CLOCK: variants seen among roughly 807,000 people sequenced by gnomAD.
CLOCK encodes circadian locomoter output cycles protein kaput.
Under a neutral mutation model 118.4 loss-of-function variants are expected in CLOCK, and 43 were observed. The ratio of observed to expected loss-of-function variants is 0.36; its 90% CI spans 0.28 to 0.47. The LOEUF (loss-of-function observed/expected upper bound fraction) is 0.47, where lower values mean the gene tolerates loss of function less well. CLOCK is among the 20% of genes least tolerant of loss of function. The pLI is 1.00. For missense variants in CLOCK, 846 were observed against 999.9 expected, an observed-to-expected ratio of 0.85 and a Z score of 2.08; for synonymous variants, 326 against 339.2, an observed-to-expected ratio of 0.96 and a Z score of 0.43.
At position 55,435,361 on chromosome 4, in the gene CLOCK, C is replaced by G; in HGVS notation, c.*54G>C. The G allele has an allele frequency of 1.9e-6, 3 of 1,602,482 alleles. No individual in the cohort carries two copies. Among genetic ancestry groups the G allele is most frequent in the Non-Finnish European group, 2.6e-6 (3 of 1,170,470 alleles). On this transcript the variant is annotated 3_prime_UTR_variant, in exon 23 of 23. Transcript: ENST00000513440. ...TCCTTTCCTCAGGTCATCTGAGTAACTCTTAATGGGCCATCCCCTTCCTCC... is the reference window on the plus strand; with the variant it reads ...TCCTTTCCTCAGGTCATCTGAGTAAGTCTTAATGGGCCATCCCCTTCCTCC...
At chr4:55,450,873 G>A (rs1724380446) in intron 15 of CLOCK, among the ~76,000 whole-genome samples, 1 of 152,026 alleles carries the variant, frequency 6.6e-6, no homozygotes, top group Admixed American at 6.6e-5. Flanking sequence ...CCAGGTGAAT[G>A]CCTGCGGTGC....
chr4:55,521,140 T>C (rs1235149470), intron 1 of CLOCK, among the ~76,000 whole-genome samples: 2 of 152,240 alleles, frequency 1.3e-5, no homozygotes, highest in African/African-American at 2.4e-5. Context: ...TCAAATGTAC[T>C]AGAAAAAAAT....
At chr4:55,463,341 A>G (rs1255274423) in intron 9 of CLOCK, among the ~76,000 whole-genome samples, 1 of 152,070 alleles carries the variant, frequency 6.6e-6, no homozygotes, top group Non-Finnish European at 1.5e-5. Flanking sequence ...TGAAAATTAG[A>G]ATGTTTAATT....
chr4:55,468,167 C>G (rs1431639022), intron 8 of CLOCK, among the ~76,000 whole-genome samples: 1 of 151,956 alleles, frequency 6.6e-6, no homozygotes, highest in Non-Finnish European at 1.5e-5. Context: ...ACTGTGCTGC[C>G]CAGGCTGGTC....
intron 1 of CLOCK, chr4:55,540,719 G>C (rs1731215916): frequency 6.6e-6 from 1 of 152,210 alleles, no homozygotes; most frequent in African/African-American, 2.4e-5. Flanking sequence ...AGCTTCAGGA[G>C]GGACGCACGT....
intron 1 of CLOCK, chr4:55,540,895 G>A (rs1030753072): frequency 6.6e-6 from 1 of 151,960 alleles, no homozygotes; most frequent in Non-Finnish European, 1.5e-5. Context: ...TGACCTCTTT[G>A]AAAAAGAAAC....
chr4:55,499,705 A>T lies in CLOCK; in HGVS notation c.-136+10207T>A, dbSNP rs188452030. 3.9e-5 allele frequency among the ~76,000 whole-genome samples: 6 copies of T among 152,308 alleles called. No homozygotes were observed. The East Asian group carries it at 1.2e-3, about 29-fold the overall frequency. On this transcript the variant is annotated intron_variant, in intron 2 of 22. Transcript: ENST00000513440. Reference sequence around the variant, plus strand: ...TTCAAAGCGTTCACAATGCTGCTTAAATCTATCCTCCGCATGCATCTCTCA... The same window carrying T: ...TTCAAAGCGTTCACAATGCTGCTTATATCTATCCTCCGCATGCATCTCTCA...
chr4:55,506,911 T>C (rs147067461), intron 2 of CLOCK, among the ~76,000 whole-genome samples: 36 of 152,328 alleles, frequency 2.4e-4, no homozygotes, highest in African/African-American at 8.4e-4. Flanking sequence ...CCAGGTTTCT[T>C]TGAGATCAGC....
At chr4:55,455,803 G>T in intron 13 of CLOCK, 94 bp downstream of exon 13, 1 of 908,472 alleles carries the variant, frequency 1.1e-6, no homozygotes, top group South Asian at 1.4e-5. Context: ...ATATGAAAAT[G>T]ATTATAAATC....
At chr4:55,482,663 T>A in intron 4 of CLOCK, 76 bp downstream of exon 4, 1 of 992,964 alleles carries the variant, frequency 1.0e-6, no homozygotes, top group East Asian at 2.7e-5. Context: ...TTCTATCAAT[T>A]TCATATAGAC....
intron 2 of CLOCK, among the ~76,000 whole-genome samples, chr4:55,506,470 A>G (rs1166982921): frequency 3.9e-5 from 6 of 152,220 alleles, no homozygotes; most frequent in African/African-American, 1.2e-4. Context: ...GGTTCAGTGT[A>G]AGAGCTGCGA....
At chr4:55,472,821 A>C (rs939370910) in intron 7 of CLOCK, among the ~76,000 whole-genome samples, 4 of 152,036 alleles carry the variant, frequency 2.6e-5, no homozygotes, top group African/African-American at 9.7e-5. Context: ...GCTCAAACAA[A>C]CCCAGTCTTT....
rs762372117 is a variant in CLOCK, at chr4:55,463,784, TACTTTGATCCACAAG to T, written c.445_459del (p.Leu149_Ser153del). On this transcript the variant is annotated inframe_deletion, in exon 9 of 23. Coordinates refer to ENST00000513440, the MANE Select transcript of CLOCK (RefSeq NM_004898.4). ...TCCCCTTCTGGGATAAAATTAAATA[TACTTTGATCCACAAG>T]ATCAGACTGAAAAGAAAATTGTTAA... The T allele has an allele frequency of 6.2e-7, 1 of 1,611,044 alleles. No individual in the cohort carries two copies. Among genetic ancestry groups the T allele is most frequent in the Non-Finnish European group, 8.5e-7 (1 of 1,177,900 alleles).
chr4:55,464,859 C>T (rs1725625293), intron 8 of CLOCK, among the ~76,000 whole-genome samples: 1 of 152,094 alleles, frequency 6.6e-6, no homozygotes, highest in East Asian at 1.9e-4. Flanking sequence ...CAACCTAATA[C>T]TATTCTTCAT....
intron 1 of CLOCK, among the ~76,000 whole-genome samples, chr4:55,538,891 T>C (rs1159089158): frequency 1.3e-5 from 2 of 152,208 alleles, no homozygotes; most frequent in Non-Finnish European, 2.9e-5. Flanking sequence ...ACATTCTTAA[T>C]GTGTTGAAAG....
At chr4:55,545,189 T>A (rs933820301) in intron 1 of CLOCK, among the ~76,000 whole-genome samples, 1 of 152,148 alleles carries the variant, frequency 6.6e-6, no homozygotes, top group Non-Finnish European at 1.5e-5. Flanking sequence ...ACATTAGGTA[T>A]TTCTCCTAAT....
intron 8 of CLOCK, among the ~76,000 whole-genome samples, chr4:55,464,114 C>T (rs930051945): frequency 1.1e-4 from 17 of 152,194 alleles, no homozygotes; most frequent in African/African-American, 4.1e-4. Context: ...GGCGACAAGT[C>T]ATAGCCTTAC....
rs1345327658 is a variant in CLOCK, at chr4:55,489,391, T to A, written c.-61A>T. 1 of 152,206 alleles carries A rather than the reference T, an allele frequency of 6.6e-6. No homozygotes were observed. Among genetic ancestry groups the A allele is most frequent in the African/African-American group, 2.4e-5 (1 of 41,450 alleles). The allele number at this position is 152,206 out of a possible 1,614,324, so 9.4% of individuals were successfully genotyped here. ...TTCTTTACCTTTTGTACTCCTTGGA[T>A]CTTTTAAACTGATTCTTCAGGAAAC... On this transcript the variant is annotated 5_prime_UTR_variant, in exon 3 of 23. Transcript: ENST00000513440.
At chr4:55,467,022 G>T (rs1216789630) in intron 8 of CLOCK, among the ~76,000 whole-genome samples, 1 of 152,130 alleles carries the variant, frequency 6.6e-6, no homozygotes, top group Non-Finnish European at 1.5e-5. Context: ...AATAACAGAG[G>T]AAACTGGGTA....
Sources: allele counts gnomAD v4.1 joint callset (sites outside exome capture counted in the v4.1 genomes callset), GRCh38; gene constraint gnomAD v4.1.1; transcripts MANE v1.5; gene names NCBI Gene and HGNC (gene_info 2026-07-23, HGNC 2026-07-21).